The following ANTXR1 variants were observed in gnomAD, a reference collection of about 807,000 sequenced individuals.
The protein encoded by ANTXR1 is ANTXR cell adhesion molecule 1.
ANTXR1 carries 19 observed loss-of-function variants against 78.1 expected under a neutral mutation model. That is an observed-to-expected ratio of 0.24 (90% CI 0.17 to 0.36). The LOEUF is 0.36. Ranked by LOEUF, ANTXR1 falls within the 10% of genes least tolerant of loss-of-function variation. The pLI, the probability that ANTXR1 is intolerant of heterozygous loss-of-function variation, is 1.00. For synonymous variants in ANTXR1, 273 were observed against 260.5 expected (o/e 1.05, Z -0.46); for missense variants, 518 against 718.6 (o/e 0.72, Z 3.19).
chr2:69,096,478 GAGAA>G (rs1671432543), intron 9 of ANTXR1, among the ~76,000 whole-genome samples: 1 of 132,288 alleles, frequency 7.6e-6, no homozygotes, highest in South Asian at 2.9e-4. Context: ...GAAAGAGAGA[GAGAA>G]AGAGGGAGGG....
At chr2:69,016,783 CT>C (rs1671038962) in intron 1 of ANTXR1, among the ~76,000 whole-genome samples, 1 of 152,172 alleles carries the variant, frequency 6.6e-6, no homozygotes, top group Non-Finnish European at 1.5e-5. Context: ...ACATACATTA[CT>C]TTTATATTCA....
At chr2:69,243,330 T>A (rs73937219) in intron 17 of ANTXR1, among the ~76,000 whole-genome samples, 347 of 152,266 alleles carry the variant, frequency 2.3e-3, no homozygotes, top group African/African-American at 8.0e-3. Context: ...GGCTGCAGCC[T>A]TCCAGAAGTT....
intron 17 of ANTXR1, among the ~76,000 whole-genome samples, chr2:69,235,986 C>A (rs537256349): frequency 1.3e-5 from 2 of 152,218 alleles, no homozygotes; most frequent in East Asian, 3.9e-4. Context: ...AGCATGTGAG[C>A]GAGCACAGGG....
chr2:69,191,004 G>A (rs1295478795), intron 16 of ANTXR1, among the ~76,000 whole-genome samples: 1 of 152,044 alleles, frequency 6.6e-6, no homozygotes, highest in East Asian at 1.9e-4. Flanking sequence ...GAAAACGAAG[G>A]GGAAAGAAAA....
intron 13 of ANTXR1, among the ~76,000 whole-genome samples, chr2:69,161,093 G>A (rs779011545): frequency 1.1e-4 from 17 of 152,160 alleles, no homozygotes; most frequent in Admixed American, 3.9e-4. Flanking sequence ...CGGCTTTCCC[G>A]TAACCCAGGC....
At chr2:69,111,850 C>G (rs1671990858) in intron 10 of ANTXR1, among the ~76,000 whole-genome samples, 1 of 152,138 alleles carries the variant, frequency 6.6e-6, no homozygotes, top group Non-Finnish European at 1.5e-5. Flanking sequence ...TAGAAAACAC[C>G]TGGGCTCCAG....
At chr2:69,100,033 A>C (rs1476824809) in intron 9 of ANTXR1, among the ~76,000 whole-genome samples, 1 of 152,236 alleles carries the variant, frequency 6.6e-6, no homozygotes, top group African/African-American at 2.4e-5. Flanking sequence ...TTTCAGGTGG[A>C]AAATTCCTCC....
At chr2:69,213,270 A>G (rs1224952893) in intron 17 of ANTXR1, among the ~76,000 whole-genome samples, 2 of 152,210 alleles carry the variant, frequency 1.3e-5, no homozygotes, top group African/African-American at 4.8e-5. Flanking sequence ...CCTCAAATCT[A>G]TGGCCTAGTG....
At chr2:69,149,392 A>G (rs1436191824) in intron 12 of ANTXR1, among the ~76,000 whole-genome samples, 1 of 152,140 alleles carries the variant, frequency 6.6e-6, no homozygotes, top group Non-Finnish European at 1.5e-5. Flanking sequence ...CCTCTCTCCC[A>G]TTCTGCACCA....
At chr2:69,173,510 G>A (rs1331700028) in intron 14 of ANTXR1, among the ~76,000 whole-genome samples, 2 of 152,146 alleles carry the variant, frequency 1.3e-5, no homozygotes, top group Non-Finnish European at 2.9e-5. Flanking sequence ...AGTAAGCCCC[G>A]TGGCCATGGT....
At chr2:69,210,796 T>G (rs1573979559) in intron 17 of ANTXR1, among the ~76,000 whole-genome samples, 1 of 151,810 alleles carries the variant, frequency 6.6e-6, no homozygotes, top group African/African-American at 2.4e-5. Context: ...ATTAGCCAGG[T>G]ATGGTGGCAC....
At position 69,071,792 on chromosome 2, in the gene ANTXR1, G is replaced by T; in HGVS notation, c.412+5G>T. On this transcript the variant is annotated splice_donor_5th_base_variant and intron_variant, in intron 5 of 17. Coordinates refer to ENST00000303714, the MANE Select transcript of ANTXR1 (RefSeq NM_032208.3). ...TTTATTATGAAAACAGACAAGGTAA[G>T]ACTATAGTATGAACTACCATTATGA... 6.2e-7 allele frequency: 1 copy of T among 1,613,460 alleles called. No homozygotes were observed. The highest frequency in any genetic ancestry group is 8.5e-7 in the Non-Finnish European group (1 of 1,179,458).
intron 17 of ANTXR1, among the ~76,000 whole-genome samples, chr2:69,203,402 T>A (rs1674821083): frequency 6.6e-6 from 1 of 152,214 alleles, no homozygotes; most frequent in African/African-American, 2.4e-5. Flanking sequence ...AATTTTTGGC[T>A]GAGTTAGCTG....
At chr2:69,203,384 G>A (rs1467132932) in intron 17 of ANTXR1, among the ~76,000 whole-genome samples, 2 of 152,186 alleles carry the variant, frequency 1.3e-5, no homozygotes, top group African/African-American at 4.8e-5. Flanking sequence ...GGGGACATGA[G>A]TACTTAGAAT....
intron 13 of ANTXR1, among the ~76,000 whole-genome samples, chr2:69,166,179 A>C (rs1163342355): frequency 2.0e-5 from 3 of 152,240 alleles, no homozygotes; most frequent in Admixed American, 2.0e-4. Flanking sequence ...AGAATTTGTC[A>C]GTAACATTTC....
At chr2:69,121,726 T>C (rs554342206) in intron 10 of ANTXR1, among the ~76,000 whole-genome samples, 2 of 152,356 alleles carry the variant, frequency 1.3e-5, no homozygotes, top group South Asian at 4.1e-4. Flanking sequence ...ATTAATGACA[T>C]AGATCTTATT....
chr2:69,179,275 G>A lies in ANTXR1; in HGVS notation c.1090-2511G>A, dbSNP rs183826166. On this transcript the variant is annotated intron_variant, in intron 14 of 17. Transcript: ENST00000303714. ...AATTATCAAAATTAAGTCCATGTGC[G>A]GTGGCTCACACCTGTAATCCCAGCA... is the stretch of plus-strand genomic sequence containing the variant. 2.8e-4 allele frequency among the ~76,000 whole-genome samples: 43 copies of A among 152,180 alleles called. 2 individuals are homozygous for A. Among genetic ancestry groups the A allele is most frequent in the African/African-American group, 7.7e-4 (32 of 41,512 alleles).
intron 12 of ANTXR1, among the ~76,000 whole-genome samples, chr2:69,136,364 T>TA (rs1413035256): frequency 1.3e-5 from 2 of 152,116 alleles, no homozygotes; most frequent in South Asian, 2.1e-4. Flanking sequence ...TTTCACACTT[T>TA]AAAAAAAGCA....
chr2:69,148,776 G>A (rs1020689724), intron 12 of ANTXR1, among the ~76,000 whole-genome samples: 1 of 152,100 alleles, frequency 6.6e-6, no homozygotes, highest in African/African-American at 2.4e-5. Flanking sequence ...TTCACTACCT[G>A]ACACAAAAGG....
Sources: allele counts gnomAD v4.1 joint callset (sites outside exome capture counted in the v4.1 genomes callset), GRCh38; gene constraint gnomAD v4.1.1; transcripts MANE v1.5; gene names NCBI Gene and HGNC (gene_info 2026-07-23, HGNC 2026-07-21).